MSR1: variants seen among roughly 807,000 people sequenced by gnomAD.
The protein encoded by MSR1 is macrophage scavenger receptor types I and II.
MSR1 carries 53 observed loss-of-function variants against 47.2 expected under a neutral mutation model. The observed-to-expected ratio is 1.12, with a 90% CI of 0.90 to 1.41. MSR1 has a LOEUF of 1.41. Among genes scored for constraint, MSR1 ranks in the 40% most tolerant of loss-of-function variants. The probability of loss-of-function intolerance (pLI) is 0.00; values close to 1 mark genes in which losing one functional copy is unlikely to be tolerated. For synonymous variants in MSR1, 239 were observed against 185.6 expected (o/e 1.29, Z -2.34); for missense variants, 786 against 546.9 (o/e 1.44, Z -4.36).
chr8:16,149,309 C>A (rs115252407), intron 7 of MSR1, among the ~76,000 whole-genome samples: 1,841 of 152,176 alleles, frequency 0.012, 49 homozygotes, highest in African/African-American at 0.042. Context: ...GCTTTCTGTG[C>A]AGTTTTTCTA....
At chr8:16,126,196 G>A (rs191277364) in intron 8 of MSR1, among the ~76,000 whole-genome samples, 1 of 152,160 alleles carries the variant, frequency 6.6e-6, no homozygotes, top group South Asian at 2.1e-4. Flanking sequence ...AAGATACTAC[G>A]AATCTATTCA....
chr8:16,182,491 A>G (rs899982739), intron 1 of MSR1, among the ~76,000 whole-genome samples: 1 of 152,154 alleles, frequency 6.6e-6, no homozygotes, highest in African/African-American at 2.4e-5. Flanking sequence ...CCTGGCTTAA[A>G]CCATAAATTG....
At chr8:16,110,622 G>A (rs1015067627) in intron 9 of MSR1, among the ~76,000 whole-genome samples, 4 of 152,010 alleles carry the variant, frequency 2.6e-5, no homozygotes, top group African/African-American at 9.7e-5. Context: ...GGGTCTTGGG[G>A]TATATTTGCA....
Position 16,144,721 on chromosome 8 carries a change from C to A in MSR1, c.980-1110G>T, listed in dbSNP as rs142329779. On this transcript the variant is annotated intron_variant, in intron 7 of 9. Transcript: ENST00000262101. ...TGTAGAGTTGCCTGTTCATTAAGCA[C>A]TTTGCCCATAAAAGATACACATAAA... Among the ~76,000 whole-genome samples, 210 of 152,158 alleles carry A rather than the reference C, an allele frequency of 1.4e-3. 3 individuals carry two copies. Among genetic ancestry groups the A allele is most frequent in the Middle Eastern group, 3.4e-3 (1 of 294 alleles).
chr8:16,142,787 A>G (rs79907671), intron 8 of MSR1, among the ~76,000 whole-genome samples: 1,614 of 152,282 alleles, frequency 0.011, 26 homozygotes, highest in African/African-American at 0.036. Context: ...TATCCCATGG[A>G]CACACAGACA....
chr8:16,153,928 G>A (rs555902802), intron 6 of MSR1, among the ~76,000 whole-genome samples: 1 of 151,908 alleles, frequency 6.6e-6, no homozygotes, highest in East Asian at 1.9e-4. Context: ...TCCTGGCAAG[G>A]CATTCAAAAG....
Position 16,150,888 on chromosome 8 carries a change from G to GCACACACA in MSR1, c.899-578_899-577insTGTGTGTG, listed in dbSNP as rs754386463. On this transcript the variant is annotated intron_variant, in intron 6 of 9. Transcript: ENST00000262101. The stretch of plus-strand genomic sequence containing the variant: ...CACACACACACACACACACACACAT[G>GCACACACA]CGATACACAGATTTACTTATGAGTA... 3.6e-3 allele frequency among the ~76,000 whole-genome samples: 412 copies of GCACACACA among 115,784 alleles called. 3 individuals are homozygous for GCACACACA. The highest frequency in any genetic ancestry group is 0.02 in the East Asian group (97 of 4,882). The allele number at this position is 115,784 out of a possible 152,430, so 76.0% of individuals were successfully genotyped here.
chr8:16,147,064 A>T (rs1800719133), intron 7 of MSR1, among the ~76,000 whole-genome samples: 1 of 152,200 alleles, frequency 6.6e-6, no homozygotes, highest in South Asian at 2.1e-4. Context: ...AAACAGACAG[A>T]AGTACGTTAT....
At chr8:16,183,308 T>G (rs1801890233) in intron 1 of MSR1, among the ~76,000 whole-genome samples, 1 of 152,014 alleles carries the variant, frequency 6.6e-6, no homozygotes, top group Non-Finnish European at 1.5e-5. Flanking sequence ...TGAAGACTTT[T>G]GAATCTGATA....
intron 5 of MSR1, among the ~76,000 whole-genome samples, chr8:16,159,166 T>C (rs180945601): frequency 2.0e-5 from 3 of 151,938 alleles, no homozygotes; most frequent in Middle Eastern, 3.4e-3. Context: ...ATGCCCTCAG[T>C]TGCTTTTTCA....
chr8:16,154,915 T>C (rs1009228182), intron 6 of MSR1, 149 bp downstream of exon 6: 2 of 672,242 alleles, frequency 3.0e-6, no homozygotes, highest in Non-Finnish European at 5.3e-6. Context: ...CACACACACA[T>C]ATACACACAT....
chr8:16,186,014 G>A (rs1285817287), intron 1 of MSR1: 8 of 686,480 alleles, frequency 1.2e-5, no homozygotes, highest in Non-Finnish European at 1.9e-5. Flanking sequence ...TTCGTGGCCT[G>A]CAAGAAATCC....
At chr8:16,155,200 A>G in intron 5 of MSR1, 56 bp from the exon 6 acceptor site, 1 of 1,320,156 alleles carries the variant, frequency 7.6e-7, no homozygotes, top group East Asian at 2.3e-5. Context: ...AAAATGGGTT[A>G]GTCATCTGTC....
intron 4 of MSR1, 25 bp downstream of exon 4, chr8:16,168,433 G>A: frequency 1.9e-6 from 3 of 1,612,762 alleles, no homozygotes; most frequent in Non-Finnish European, 2.5e-6. Context: ...TCCAGCAAGT[G>A]ACCTTGCAGT....
chr8:16,162,643 T>C (rs1392105625), intron 5 of MSR1, among the ~76,000 whole-genome samples: 2 of 151,932 alleles, frequency 1.3e-5, no homozygotes, highest in African/African-American at 4.8e-5. Flanking sequence ...GAGAAACTGA[T>C]TGCCAGGAAA....
At chr8:16,179,127 C>T (rs2117213777) in intron 1 of MSR1, among the ~76,000 whole-genome samples, 1 of 152,206 alleles carries the variant, frequency 6.6e-6, no homozygotes, top group East Asian at 1.9e-4. Context: ...GGTATCTCTT[C>T]TTTCTTAGCT....
chr8:16,140,965 A>C, intron 8 of MSR1: 1 of 1,613,942 alleles, frequency 6.2e-7, no homozygotes, highest in Non-Finnish European at 8.5e-7. Context: ...TTTTAATGAG[A>C]TGGTAGCAGA....
chr8:16,178,644 G>A (rs989580249), intron 1 of MSR1, among the ~76,000 whole-genome samples: 12 of 152,100 alleles, frequency 7.9e-5, no homozygotes, highest in African/African-American at 2.4e-4. Context: ...TGGGTCAAAC[G>A]GTATTTCTAG....
At chr8:16,179,244 G>A (rs940081742) in intron 1 of MSR1, among the ~76,000 whole-genome samples, 2 of 152,090 alleles carry the variant, frequency 1.3e-5, no homozygotes, top group African/African-American at 4.8e-5. Context: ...TGAATGATCT[G>A]ATTTGACTTC....
Sources: gnomAD v4.1 joint callset for allele counts (sites outside exome capture counted in the v4.1 genomes callset) on GRCh38, gnomAD v4.1.1 for gene constraint, MANE v1.5 for transcripts, NCBI Gene and HGNC (gene_info 2026-07-23, HGNC 2026-07-21) for gene names.